Variants in ETV5 observed in about 807,000 individuals in gnomAD.
ETV5 encodes ETS translocation variant 5.
A neutral mutation model predicts 70.0 loss-of-function variants in ETV5; 10 were observed. The observed-to-expected ratio is 0.14, with a 90% CI of 0.09 to 0.24. The LOEUF (loss-of-function observed/expected upper bound fraction) is 0.24. Among genes scored for constraint, ETV5 ranks in the 10% least tolerant of loss-of-function variants. ETV5 has a pLI of 1.00. For synonymous variants in ETV5, 216 were observed against 242.2 expected (o/e 0.89, Z 1.01); for missense variants, 453 against 651.2 (o/e 0.70, Z 3.31).
At chr3:186,068,073 C>T (rs895168149) in intron 7 of ETV5, among the ~76,000 whole-genome samples, 1 of 152,094 alleles carries the variant, frequency 6.6e-6, no homozygotes, top group African/African-American at 2.4e-5. Context: ...TTCCTTTTAG[C>T]TTGGAAGATG....
intron 9 of ETV5, among the ~76,000 whole-genome samples, chr3:186,062,546 C>T (rs771180413): frequency 3.3e-5 from 5 of 151,932 alleles, no homozygotes; most frequent in Non-Finnish European, 5.9e-5. Flanking sequence ...CACTTGAACC[C>T]GGGAGGCAGA....
intron 7 of ETV5, among the ~76,000 whole-genome samples, chr3:186,069,203 T>G (rs1329907720): frequency 6.6e-6 from 1 of 152,234 alleles, no homozygotes; most frequent in Non-Finnish European, 1.5e-5. Flanking sequence ...CATTTTATAA[T>G]ATGAAAACTA....
intron 5 of ETV5, among the ~76,000 whole-genome samples, chr3:186,103,387 G>T (rs893048596): frequency 2.4e-4 from 36 of 152,108 alleles, no homozygotes; most frequent in African/African-American, 5.8e-4. Context: ...ACATACCCTT[G>T]CTTCAGCACA....
At position 186,099,145 on chromosome 3, in the gene ETV5, T is replaced by C. The variant is rs1714386528; in HGVS notation, c.232+6160A>G. ...TTTAACATCTGAGTTGCTAACCCACTGTCATTTGCCTGCCAGGCCCAAAGG... is the reference window on the plus strand; with the variant it reads ...TTTAACATCTGAGTTGCTAACCCACCGTCATTTGCCTGCCAGGCCCAAAGG... On this transcript the variant is annotated intron_variant, in intron 5 of 12. Transcript: ENST00000306376. Among the ~76,000 whole-genome samples the C allele has an allele frequency of 2.6e-5, 4 of 152,332 alleles. No homozygotes were observed. The South Asian group carries it at 8.3e-4, about 32-fold the overall frequency.
chr3:186,067,298 T>G (rs1181514755), intron 7 of ETV5, among the ~76,000 whole-genome samples: 1 of 152,090 alleles, frequency 6.6e-6, no homozygotes, highest in African/African-American at 2.4e-5. Flanking sequence ...TGGATGTGGT[T>G]GTGCGCGCCT....
intron 5 of ETV5, among the ~76,000 whole-genome samples, chr3:186,096,314 G>T (rs898128406): frequency 6.6e-6 from 1 of 152,112 alleles, no homozygotes; most frequent in Non-Finnish European, 1.5e-5. Flanking sequence ...TTTACTGTGG[G>T]TGACCATGTG....
chr3:186,091,933 G>A (rs1328904744), intron 5 of ETV5, among the ~76,000 whole-genome samples: 1 of 152,198 alleles, frequency 6.6e-6, no homozygotes, highest in Non-Finnish European at 1.5e-5. Flanking sequence ...TGCCACAGTG[G>A]GAAAGGAAGT....
In ETV5 at chr3:186,080,944, AG is replaced by A. The variant is rs1450051140; in HGVS notation, c.362+101del. 2.2e-5 allele frequency: 31 copies of A among 1,385,908 alleles called. No homozygotes were observed. The East Asian group carries it at 7.2e-4, about 32-fold the overall frequency. The allele number at this position is 1,385,908 out of a possible 1,614,324, so 85.9% of individuals were successfully genotyped here. A position where few individuals can be genotyped will look rare whatever the true frequency, so the allele number is the denominator to read the frequency against. The stretch of plus-strand genomic sequence containing the variant: ...ATGAAAGAAGGATATGTTTTACCAC[AG>A]GGTCTGCTGGGTAAGTAACACTGGG... On this transcript the variant is annotated intron_variant, in intron 6 of 12. Transcript: ENST00000306376.
At chr3:186,066,166 T>C (rs1713438127) in intron 7 of ETV5, 94 bp from the exon 8 acceptor site, 14 of 1,172,804 alleles carry the variant, frequency 1.2e-5, no homozygotes, top group Non-Finnish European at 1.6e-5. Flanking sequence ...ATTAATGAAA[T>C]TATTTGCAAA....
chr3:186,069,953 C>G (rs949511738), intron 7 of ETV5, among the ~76,000 whole-genome samples: 2 of 151,994 alleles, frequency 1.3e-5, no homozygotes, highest in Non-Finnish European at 2.9e-5. Flanking sequence ...ATTACAGGTG[C>G]CTGCCATCAT....
chr3:186,051,925 G>T (rs893135509), intron 12 of ETV5, 105 bp downstream of exon 12: 3 of 1,066,490 alleles, frequency 2.8e-6, no homozygotes, highest in Non-Finnish European at 2.8e-6. Flanking sequence ...CACTTAGGGG[G>T]CTAAAATTTC....
intron 5 of ETV5, among the ~76,000 whole-genome samples, chr3:186,102,132 T>C (rs970211168): frequency 4.0e-5 from 6 of 151,648 alleles, no homozygotes; most frequent in African/African-American, 1.5e-4. Flanking sequence ...ACTTACAAAA[T>C]ATAATCTCTT....
In ETV5 at chr3:186,081,017, C is replaced by G. The variant is rs574789216; in HGVS notation, c.362+29G>C. 16 of 1,586,044 alleles carry G rather than the reference C, an allele frequency of 1.0e-5. No individual in the cohort carries two copies. The East Asian group carries it at 1.6e-4, about 16-fold the overall frequency. On this transcript the variant is annotated intron_variant, in intron 6 of 12. Transcript: ENST00000306376. The stretch of plus-strand genomic sequence containing the variant: ...CTACTTCCAGAGCCTTTCTGGGCAG[C>G]CTTTCTTCGACTCCTCTTGCCCACT...
intron 7 of ETV5, among the ~76,000 whole-genome samples, chr3:186,075,849 G>A (rs1265504688): frequency 6.6e-6 from 1 of 152,230 alleles, no homozygotes; most frequent in Non-Finnish European, 1.5e-5. Flanking sequence ...TCAAGTAAGT[G>A]AGAAAGCAGT....
chr3:186,081,370 A>T (rs1229351786), intron 5 of ETV5, among the ~76,000 whole-genome samples, 195 bp from the exon 6 acceptor site: 2 of 152,230 alleles, frequency 1.3e-5, no homozygotes, highest in Admixed American at 1.3e-4. Context: ...AAAGTCAGAA[A>T]AAGTATCATC....
intron 5 of ETV5, among the ~76,000 whole-genome samples, chr3:186,086,481 C>T (rs1326675895): frequency 6.6e-6 from 1 of 152,054 alleles, no homozygotes; most frequent in African/African-American, 2.4e-5. Flanking sequence ...TGGTTAGGTA[C>T]ATAGAAAATA....
At chr3:186,089,150 C>A (rs1011372326) in intron 5 of ETV5, among the ~76,000 whole-genome samples, 2 of 152,156 alleles carry the variant, frequency 1.3e-5, no homozygotes, top group African/African-American at 4.8e-5. Flanking sequence ...CAGGTTCTGG[C>A]ACTTAAAAAA....
At chr3:186,056,078 C>A (rs936722720) in intron 11 of ETV5, among the ~76,000 whole-genome samples, 2 of 152,062 alleles carry the variant, frequency 1.3e-5, no homozygotes, top group African/African-American at 4.8e-5. Context: ...ATACTGAGAG[C>A]CTGATTTAAT....
intron 5 of ETV5, 46 bp from the exon 6 acceptor site, chr3:186,081,221 G>T: frequency 6.4e-7 from 1 of 1,555,464 alleles, no homozygotes; most frequent in South Asian, 1.2e-5. Context: ...GAGAACAGCT[G>T]ATTAACAGGG....
Sources: allele counts gnomAD v4.1 joint callset (sites outside exome capture counted in the v4.1 genomes callset), GRCh38; gene constraint gnomAD v4.1.1; transcripts MANE v1.5; gene names NCBI Gene and HGNC (gene_info 2026-07-23, HGNC 2026-07-21).